Variants in PTPRD observed in about 807,000 individuals in gnomAD.
PTPRD encodes receptor-type tyrosine-protein phosphatase delta.
PTPRD carries 34 observed loss-of-function variants against 214.5 expected under a neutral mutation model. That is an observed-to-expected ratio of 0.16 (90% confidence interval 0.12 to 0.21). The LOEUF (loss-of-function observed/expected upper bound fraction) is 0.21. PTPRD is among the 10% of genes least tolerant of loss of function. The pLI is 1.00. For synonymous variants in PTPRD, 1,128 were observed against 845.7 expected (o/e 1.33, Z -5.79); for missense variants, 2,545 against 2,398.7 (o/e 1.06, Z -1.27).
chr9:10,434,391 A>G (rs2098703486), intron 2 of PTPRD, among the ~76,000 whole-genome samples: 1 of 151,954 alleles, frequency 6.6e-6, no homozygotes. Flanking sequence ...ACTAAAATTT[A>G]TAGTCAACTC....
chr9:8,779,372 G>C (rs1168936284), intron 11 of PTPRD, among the ~76,000 whole-genome samples: 5 of 151,588 alleles, frequency 3.3e-5, no homozygotes, highest in African/African-American at 9.7e-5. Context: ...TCAGTTATCT[G>C]TCAGCCTTTT....
chr9:8,423,601 G>T (rs1032936511), intron 35 of PTPRD, among the ~76,000 whole-genome samples: 1 of 152,034 alleles, frequency 6.6e-6, no homozygotes, highest in South Asian at 2.1e-4. Flanking sequence ...CTTCTTCATT[G>T]GTCTTATCTA....
At chr9:8,862,891 G>A (rs1192972432) in intron 11 of PTPRD, among the ~76,000 whole-genome samples, 1 of 152,120 alleles carries the variant, frequency 6.6e-6, no homozygotes, top group Non-Finnish European at 1.5e-5. Flanking sequence ...GACACAGGAA[G>A]GGGAACATCA....
chr9:8,687,144 T>C (rs908379589), intron 12 of PTPRD, among the ~76,000 whole-genome samples: 2 of 152,180 alleles, frequency 1.3e-5, no homozygotes, highest in African/African-American at 2.4e-5. Flanking sequence ...ATTCCACATA[T>C]ATTGTTTGCT....
At chr9:9,883,887 C>A (rs935751391) in intron 5 of PTPRD, among the ~76,000 whole-genome samples, 2 of 152,044 alleles carry the variant, frequency 1.3e-5, no homozygotes, top group African/African-American at 4.8e-5. Context: ...AAATAATGTT[C>A]AATGAAATTA....
At chr9:9,675,192 C>T (rs1416910057) in intron 7 of PTPRD, among the ~76,000 whole-genome samples, 2 of 151,874 alleles carry the variant, frequency 1.3e-5, no homozygotes, top group East Asian at 3.9e-4. Context: ...TCCAAAGTAT[C>T]TCATGTGTCC....
intron 5 of PTPRD, among the ~76,000 whole-genome samples, chr9:9,917,302 G>GAAAAAAAAAAA (rs140708788): frequency 2.8e-4 from 6 of 21,210 alleles, no homozygotes; most frequent in Admixed American, 8.0e-4. Flanking sequence ...TAGCTAGACT[G>GAAAAAAAAAAA]AAAAAAAAAA....
At chr9:9,431,046 G>A (rs1055304232) in intron 8 of PTPRD, among the ~76,000 whole-genome samples, 8 of 152,144 alleles carry the variant, frequency 5.3e-5, no homozygotes, top group Non-Finnish European at 2.9e-5. Context: ...AGCCAAAATT[G>A]ACAAATGGGA....
chr9:9,713,638 T>C (rs537066616), intron 7 of PTPRD, among the ~76,000 whole-genome samples: 1 of 152,264 alleles, frequency 6.6e-6, no homozygotes, highest in East Asian at 1.9e-4. Flanking sequence ...TGGGTCGATT[T>C]AGAAAAATAA....
chr9:9,289,895 G>A (rs553365090), intron 9 of PTPRD, among the ~76,000 whole-genome samples: 11 of 151,552 alleles, frequency 7.3e-5, no homozygotes, highest in Middle Eastern at 3.2e-3. Flanking sequence ...CTTAGCTATT[G>A]TGAATAATGC....
intron 2 of PTPRD, among the ~76,000 whole-genome samples, chr9:10,577,078 T>C (rs1404984181): frequency 6.7e-6 from 1 of 149,740 alleles, no homozygotes; most frequent in Non-Finnish European, 1.5e-5. Flanking sequence ...GCCAATCCTT[T>C]TCCTATTTTT....
intron 8 of PTPRD, among the ~76,000 whole-genome samples, chr9:9,486,360 C>T (rs2095637447): frequency 6.6e-6 from 1 of 151,890 alleles, no homozygotes; most frequent in Admixed American, 6.6e-5. Context: ...AATACTATTC[C>T]CAAGGCAACA....
chr9:9,567,162 A>C (rs2084819194), intron 8 of PTPRD, among the ~76,000 whole-genome samples: 1 of 152,006 alleles, frequency 6.6e-6, no homozygotes, highest in Non-Finnish European at 1.5e-5. Context: ...CTGAAATTTG[A>C]AGGAATGAAG....
At chr9:9,449,515 A>G (rs1394144912) in intron 8 of PTPRD, among the ~76,000 whole-genome samples, 1 of 151,966 alleles carries the variant, frequency 6.6e-6, no homozygotes, top group African/African-American at 2.4e-5. Flanking sequence ...AATATAAGGA[A>G]CCTGCCCTGA....
chr9:10,255,411 T>C (rs2093174373), intron 3 of PTPRD, among the ~76,000 whole-genome samples: 1 of 152,208 alleles, frequency 6.6e-6, no homozygotes, highest in African/African-American at 2.4e-5. Flanking sequence ...TTTGTGCATC[T>C]AAACATATTT....
At chr9:10,403,130 A>C (rs1192727006) in intron 2 of PTPRD, among the ~76,000 whole-genome samples, 1 of 150,174 alleles carries the variant, frequency 6.7e-6, no homozygotes. Flanking sequence ...ATTTTTAATA[A>C]CTGAAAAACA....
chr9:10,342,535 C>T (rs2096961394), intron 2 of PTPRD, among the ~76,000 whole-genome samples: 1 of 151,940 alleles, frequency 6.6e-6, no homozygotes, highest in Admixed American at 6.6e-5. Context: ...GAAAACACAA[C>T]AGGATCGATA....
At chr9:10,261,548 A>G (rs1033539230) in intron 3 of PTPRD, among the ~76,000 whole-genome samples, 2 of 152,124 alleles carry the variant, frequency 1.3e-5, no homozygotes, top group African/African-American at 4.8e-5. Context: ...GTATATATAC[A>G]TATGTATAGA....
rs552289562 is a variant in PTPRD, at chr9:10,192,445, G to GAA, written c.-545+148516_-545+148517dup. ...AAGTATTGGCAAGGTCACGATCCAG[G>GAA]AAAAAAAAAAAAAAAAAAAAAAAAA... On this transcript the variant is annotated intron_variant, in intron 3 of 45. Coordinates refer to ENST00000381196, the MANE Select transcript of PTPRD (RefSeq NM_002839.4). Among the ~76,000 whole-genome samples, 64 of 72,628 alleles carry GAA rather than the reference G, an allele frequency of 8.8e-4. 1 individual carries two copies. Among genetic ancestry groups the GAA allele is most frequent in the Admixed American group, 2.2e-3 (14 of 6,376 alleles). The allele number at this position is 72,628 out of a possible 152,430, so 47.6% of individuals were successfully genotyped here.
Sources: gnomAD v4.1 joint callset for allele counts (sites outside exome capture counted in the v4.1 genomes callset) on GRCh38, gnomAD v4.1.1 for gene constraint, MANE v1.5 for transcripts, NCBI Gene and HGNC (gene_info 2026-07-23, HGNC 2026-07-21) for gene names.